TCF4: variants seen among roughly 807,000 people sequenced by gnomAD.
TCF4 encodes SL3-3 enhancer factor 2.
Under a neutral mutation model 82.1 loss-of-function variants are expected in TCF4, and 3 were observed. The ratio of observed to expected loss-of-function variants is 0.04; its 90% confidence interval spans 0.02 to 0.09. The LOEUF is 0.09. Ranked by LOEUF, TCF4 falls within the 10% of genes least tolerant of loss-of-function variation. TCF4 has a pLI of 1.00. For synonymous variants in TCF4, 276 were observed against 309.6 expected (o/e 0.89, Z 1.14); for missense variants, 518 against 852.7 (o/e 0.61, Z 4.89).
At chr18:55,237,975 T>C (rs986984632) in intron 15 of TCF4, among the ~76,000 whole-genome samples, 8 of 152,252 alleles carry the variant, frequency 5.3e-5, no homozygotes, top group African/African-American at 1.9e-4. Flanking sequence ...TCTCTGTATA[T>C]ACAAGGGTCA....
chr18:55,624,814 A>C (rs1197847391), intron 2 of TCF4, among the ~76,000 whole-genome samples: 1 of 152,130 alleles, frequency 6.6e-6, no homozygotes, highest in African/African-American at 2.4e-5. Context: ...CTTTGTCCCT[A>C]TGTCAGGTAT....
At chr18:55,600,475 T>C (rs997761550) in intron 2 of TCF4, among the ~76,000 whole-genome samples, 3 of 152,214 alleles carry the variant, frequency 2.0e-5, no homozygotes, top group Admixed American at 2.0e-4. Flanking sequence ...ATTGTTCCAA[T>C]GTCTAATATT....
At chr18:55,544,497 C>T (rs1488552447) in intron 3 of TCF4, among the ~76,000 whole-genome samples, 1 of 152,178 alleles carries the variant, frequency 6.6e-6, no homozygotes, top group Non-Finnish European at 1.5e-5. Context: ...TCATTTCTAA[C>T]ATCCCTCACA....
chr18:55,443,475 T>G (rs1240643721), intron 5 of TCF4, among the ~76,000 whole-genome samples: 1 of 152,238 alleles, frequency 6.6e-6, no homozygotes, highest in Non-Finnish European at 1.5e-5. Flanking sequence ...CTTTGGAATT[T>G]TCTGCCTTAA....
At chr18:55,265,046 A>G (rs1269764734) in intron 11 of TCF4, 2 of 152,188 alleles carry the variant, frequency 1.3e-5, no homozygotes, top group Admixed American at 6.5e-5. Flanking sequence ...CCTCTGTCTC[A>G]GCCTCAGCTT....
At chr18:55,470,682 C>A (rs535078808) in intron 3 of TCF4, among the ~76,000 whole-genome samples, 21 of 152,210 alleles carry the variant, frequency 1.4e-4, no homozygotes, top group African/African-American at 5.1e-4. Flanking sequence ...ATACTCTGAG[C>A]CTACAACATG....
At chr18:55,605,129 T>C (rs2097701081) in intron 2 of TCF4, among the ~76,000 whole-genome samples, 1 of 152,100 alleles carries the variant, frequency 6.6e-6, no homozygotes, top group Non-Finnish European at 1.5e-5. Flanking sequence ...TCAAGACTGG[T>C]AACCCTGGCA....
At chr18:55,330,688 C>A (rs1383229557) in intron 8 of TCF4, among the ~76,000 whole-genome samples, 1 of 152,122 alleles carries the variant, frequency 6.6e-6, no homozygotes, top group East Asian at 1.9e-4. Context: ...GCCTCAGCCT[C>A]CTGAGTGGCT....
At chr18:55,367,963 G>C (rs546565396) in intron 6 of TCF4, among the ~76,000 whole-genome samples, 1 of 152,210 alleles carries the variant, frequency 6.6e-6, no homozygotes, top group Non-Finnish European at 1.5e-5. Flanking sequence ...GTAAAACTCT[G>C]TATTAGGGAG....
At position 55,544,289 on chromosome 18, in the gene TCF4, G is replaced by A. The variant is rs78380302; in HGVS notation, c.145+40991C>T. 9.9e-5 allele frequency among the ~76,000 whole-genome samples: 15 copies of A among 152,282 alleles called. No individual in the cohort carries two copies. The East Asian group carries it at 2.9e-3, about 29-fold the overall frequency. ...TTTGTTATGCACTTCCTGTGTGCAAGAGCTGTTTTAAGTACTCCATGTATG... is the reference window on the plus strand; with the variant it reads ...TTTGTTATGCACTTCCTGTGTGCAAAAGCTGTTTTAAGTACTCCATGTATG... On this transcript the variant is annotated intron_variant, in intron 3 of 19. Transcript: ENST00000354452.
At chr18:55,233,315 T>A (rs2048409877) in intron 16 of TCF4, among the ~76,000 whole-genome samples, 1 of 152,224 alleles carries the variant, frequency 6.6e-6, no homozygotes, top group Admixed American at 6.5e-5. Context: ...CAAGTATTCC[T>A]CTTTATTTGT....
chr18:55,284,845 C>A (rs1444420876), intron 8 of TCF4, among the ~76,000 whole-genome samples: 1 of 152,192 alleles, frequency 6.6e-6, no homozygotes, highest in Non-Finnish European at 1.5e-5. Context: ...ATATCCTCAA[C>A]TGTGACAGTT....
At chr18:55,283,017 A>G (rs2062932325) in intron 8 of TCF4, among the ~76,000 whole-genome samples, 1 of 152,148 alleles carries the variant, frequency 6.6e-6, no homozygotes, top group Admixed American at 6.5e-5. Flanking sequence ...ATGGAAAACT[A>G]GTAACACAGT....
chr18:55,546,719 T>C (rs538401553), intron 3 of TCF4: 2 of 152,324 alleles, frequency 1.3e-5, no homozygotes, highest in South Asian at 4.1e-4. Context: ...CAACCAAAAG[T>C]AGGTGAGAAA....
chr18:55,562,799 T>C (rs1409620306), intron 3 of TCF4, among the ~76,000 whole-genome samples: 1 of 152,170 alleles, frequency 6.6e-6, no homozygotes, highest in Non-Finnish European at 1.5e-5. Flanking sequence ...ATAAATAATA[T>C]CTATAAGTCC....
In TCF4 at chr18:55,259,974, A is replaced by C; in HGVS notation, c.1044T>G (p.Pro348=). Reference sequence around the variant, plus strand: ...CTGAGAGAGATGGAGGAGAGCCAACAGGAGTTGAAGGGTTTGATGAAAAGC... The same window carrying C: ...CTGAGAGAGATGGAGGAGAGCCAACCGGAGTTGAAGGGTTTGATGAAAAGC... ...NNSFSSNPST[P]VGSPPSLSAG... Residue 348 remains proline (P), a synonymous_variant, in exon 13 of 20, where the codon CCT becomes CCG. Transcript: ENST00000354452. The C allele has an allele frequency of 6.2e-7, 1 of 1,613,432 alleles. No homozygotes were observed. Among genetic ancestry groups the C allele is most frequent in the Non-Finnish European group, 8.5e-7 (1 of 1,179,486 alleles).
intron 5 of TCF4, among the ~76,000 whole-genome samples, chr18:55,418,003 A>ATGTGTGTGTGTGTG (rs201657057): frequency 1.4e-5 from 2 of 143,386 alleles, no homozygotes; most frequent in African/African-American, 5.1e-5. Flanking sequence ...TCTTGAGCAA[A>ATGTGTGTGTGTGTG]TGTGTGTGTG....
intron 8 of TCF4, among the ~76,000 whole-genome samples, chr18:55,299,135 G>GT (rs1159853911): frequency 6.6e-6 from 1 of 152,198 alleles, no homozygotes; most frequent in African/African-American, 2.4e-5. Flanking sequence ...TCTTGGCCAG[G>GT]TGTGGTGGCT....
At chr18:55,370,509 A>G (rs2088781869) in intron 6 of TCF4, among the ~76,000 whole-genome samples, 1 of 152,182 alleles carries the variant, frequency 6.6e-6, no homozygotes, top group African/African-American at 2.4e-5. Flanking sequence ...GTAACATAGA[A>G]ACACTCAATT....
Sources: gnomAD v4.1 joint callset for allele counts (sites outside exome capture counted in the v4.1 genomes callset) on GRCh38, gnomAD v4.1.1 for gene constraint, MANE v1.5 for transcripts, NCBI Gene and HGNC (gene_info 2026-07-23, HGNC 2026-07-21) for gene names.